STXBP4: variants seen among roughly 807,000 people sequenced by gnomAD.
STXBP4 encodes syntaxin binding protein 4, also known as syntaxin-binding protein 4.
STXBP4 carries 55 observed loss-of-function variants against 76.1 expected under a neutral mutation model. That is an observed-to-expected ratio of 0.72 (90% CI 0.58 to 0.91). The LOEUF (loss-of-function observed/expected upper bound fraction) is 0.91, where lower values mean the gene tolerates loss of function less well. Ranked by LOEUF, STXBP4 falls within the 40% of genes least tolerant of loss-of-function variation. The probability of loss-of-function intolerance (pLI) is 0.00; values close to 1 mark genes in which losing one functional copy is unlikely to be tolerated. For missense variants in STXBP4, 618 were observed against 636.9 expected (o/e 0.97, Z 0.32); for synonymous variants, 201 against 220.2 (o/e 0.91, Z 0.77).
intron 16 of STXBP4, among the ~76,000 whole-genome samples, chr17:55,132,575 G>C (rs2079984791): frequency 2.6e-5 from 4 of 152,156 alleles, no homozygotes; most frequent in Admixed American, 1.3e-4. Flanking sequence ...GTAGGTATTT[G>C]TATAAATATA....
rs929886700 is a variant in STXBP4 at position 55,161,564 on chromosome 17, G to C, written c.*1653G>C. The C allele has an allele frequency of 3.3e-5, 5 of 152,162 alleles. No homozygotes were observed. Among genetic ancestry groups the C allele is most frequent in the African/African-American group, 1.2e-4 (5 of 41,446 alleles). 9.4% of individuals were successfully genotyped at this position (152,162 alleles called of 1,614,324 possible). On this transcript the variant is annotated 3_prime_UTR_variant, in exon 18 of 18. Transcript: ENST00000376352. ...TTCTAGTGAGCAAAACAAAGAAGGT[G>C]CTTGAGTCACTGAAATCAAAGTACT...
intron 12 of STXBP4, among the ~76,000 whole-genome samples, chr17:55,058,035 A>G (rs941328739): frequency 3.3e-5 from 5 of 152,118 alleles, no homozygotes; most frequent in Non-Finnish European, 5.9e-5. Flanking sequence ...GTGTCTTTAT[A>G]GTAGAATGAT....
intron 16 of STXBP4, among the ~76,000 whole-genome samples, chr17:55,117,387 A>G (rs1218063010): frequency 2.6e-5 from 4 of 151,714 alleles, no homozygotes; most frequent in Admixed American, 1.3e-4. Flanking sequence ...TCTGTAGCCC[A>G]TTCAGGTTTC....
At chr17:55,027,426 G>A (rs2078435486) in intron 8 of STXBP4, among the ~76,000 whole-genome samples, 1 of 152,150 alleles carries the variant, frequency 6.6e-6, no homozygotes, top group South Asian at 2.1e-4. Flanking sequence ...GGGATGGTGT[G>A]TGGGGCAAGG....
intron 12 of STXBP4, among the ~76,000 whole-genome samples, chr17:55,058,502 G>A (rs2078959486): frequency 6.6e-6 from 1 of 152,134 alleles, no homozygotes; most frequent in East Asian, 1.9e-4. Flanking sequence ...GATGTAAAAG[G>A]GTTAAAAATA....
At chr17:54,986,329 T>G in intron 3 of STXBP4, 63 bp downstream of exon 3, 1 of 1,339,300 alleles carries the variant, frequency 7.5e-7, no homozygotes, top group South Asian at 1.3e-5. Flanking sequence ...TTAATGAACA[T>G]TTGATTAAAA....
chr17:55,160,042 G>A lies in STXBP4; in HGVS notation c.*131G>A, dbSNP rs2080323876. On this transcript the variant is annotated 3_prime_UTR_variant, in exon 18 of 18. Transcript: ENST00000376352. ...TGTTGAAGTGTGAAATGGAGACTCT[G>A]GACTTTGGGTATTTTTGTAAAACTT... is the stretch of plus-strand genomic sequence containing the variant. The A allele has an allele frequency of 3.7e-6, 2 of 545,650 alleles. No homozygotes were observed. The highest frequency in any genetic ancestry group is 7.2e-5 in the Admixed American group (2 of 27,804). The allele number at this position is 545,650 out of a possible 1,614,324, so 33.8% of individuals were successfully genotyped here.
At chr17:55,088,024 A>T (rs976266733) in intron 16 of STXBP4, among the ~76,000 whole-genome samples, 1 of 152,190 alleles carries the variant, frequency 6.6e-6, no homozygotes. Flanking sequence ...TAGCAAATCT[A>T]TGTTGTCCTT....
intron 17 of STXBP4, among the ~76,000 whole-genome samples, chr17:55,153,364 A>T (rs1292374104): frequency 6.6e-6 from 1 of 152,162 alleles, no homozygotes; most frequent in Non-Finnish European, 1.5e-5. Flanking sequence ...TTTATACATG[A>T]CGGAATCAAT....
rs1484071142 is a variant in STXBP4 at position 55,103,675 on chromosome 17, C to G, written c.1489+22492C>G. The stretch of plus-strand genomic sequence containing the variant: ...TTTTTTCTAATTCTGTGAAGAAAGT[C>G]AATGGTAGCTTGATGGGGATAGCAT... On this transcript the variant is annotated intron_variant, in intron 16 of 17. Transcript: ENST00000376352. Among the ~76,000 whole-genome samples the G allele has an allele frequency of 1.0e-4, 15 of 150,280 alleles. No individual in the cohort carries two copies. The Admixed American group carries it at 1.0e-3, about 10-fold the overall frequency.
At chr17:55,067,752 T>C (rs1466099052) in intron 12 of STXBP4, among the ~76,000 whole-genome samples, 3 of 152,098 alleles carry the variant, frequency 2.0e-5, no homozygotes, top group African/African-American at 7.2e-5. Flanking sequence ...ATTTTCATAG[T>C]ACCCAAGCAT....
At chr17:55,070,948 A>G in intron 12 of STXBP4, among the ~76,000 whole-genome samples, 1 of 152,170 alleles carries the variant, frequency 6.6e-6, no homozygotes, top group South Asian at 2.1e-4. Context: ...TGTCATAAAC[A>G]TGGTTGCTAG....
chr17:55,133,392 A>G (rs1212351670), intron 16 of STXBP4, among the ~76,000 whole-genome samples: 4 of 152,126 alleles, frequency 2.6e-5, no homozygotes, highest in Non-Finnish European at 5.9e-5. Context: ...TAAAAGTGAT[A>G]CAATGATAGA....
rs770809225 is a variant in STXBP4, at chr17:55,047,121, A to G, written c.978A>G (p.Lys326=). 1.1e-5 allele frequency: 18 copies of G among 1,608,268 alleles called. No homozygotes were observed. Among genetic ancestry groups the G allele is most frequent in the Non-Finnish European group, 1.5e-5 (18 of 1,175,820 alleles). Residue 326 remains lysine (K), a synonymous_variant, in exon 12 of 18, where the codon AAA becomes AAG. Coordinates refer to ENST00000376352, the MANE Select transcript of STXBP4 (RefSeq NM_178509.6). ...TATTGGAATCAGATAAGCAAAGGAA[A>G]CAATTGACAGAAGAGCTCCAGAATG... The part of the protein sequence containing the change: ...EKLLESDKQR[K]QLTEELQNVK...
At chr17:55,067,598 A>AGAATGAG (rs1401982798) in intron 12 of STXBP4, among the ~76,000 whole-genome samples, 2 of 152,114 alleles carry the variant, frequency 1.3e-5, no homozygotes, top group Non-Finnish European at 2.9e-5. Flanking sequence ...TGAAGAATGA[A>AGAATGAG]GAATGAGGAT....
intron 16 of STXBP4, among the ~76,000 whole-genome samples, chr17:55,119,650 T>C (rs1598329464): frequency 2.0e-5 from 3 of 151,966 alleles, no homozygotes; most frequent in African/African-American, 7.2e-5. Context: ...TTTATGTGTT[T>C]TGATTTAAAA....
At chr17:55,087,057 C>A (rs552190224) in intron 16 of STXBP4, among the ~76,000 whole-genome samples, 1 of 152,194 alleles carries the variant, frequency 6.6e-6, no homozygotes, top group South Asian at 2.1e-4. Context: ...ATTTGTATGT[C>A]TTCTTTTGGG....
At chr17:55,040,692 G>A (rs911371924) in intron 10 of STXBP4, among the ~76,000 whole-genome samples, 1 of 152,166 alleles carries the variant, frequency 6.6e-6, no homozygotes, top group Non-Finnish European at 1.5e-5. Context: ...ACTCTAGAAA[G>A]CAGAGTAGAA....
At chr17:55,115,922 A>G (rs1310843952) in intron 16 of STXBP4, among the ~76,000 whole-genome samples, 1 of 151,886 alleles carries the variant, frequency 6.6e-6, no homozygotes, top group Non-Finnish European at 1.5e-5. Context: ...TTCTAGGTTT[A>G]ACCATGGTTG....
Sources: gnomAD v4.1 joint callset for allele counts (sites outside exome capture counted in the v4.1 genomes callset) on GRCh38, gnomAD v4.1.1 for gene constraint, MANE v1.5 for transcripts, NCBI Gene and HGNC (gene_info 2026-07-23, HGNC 2026-07-21) for gene names.